DHRS7B: variants seen among roughly 807,000 people sequenced by gnomAD.
The protein encoded by DHRS7B is dehydrogenase/reductase 7B, also known as peroxisomal reductase activating PPAR-gamma.
Under a neutral mutation model 26.4 loss-of-function variants are expected in DHRS7B, and 24 were observed. The observed-to-expected ratio is 0.91, with a 90% confidence interval of 0.66 to 1.28. DHRS7B has a LOEUF of 1.28. DHRS7B is among the 50% of genes most tolerant of loss of function. The pLI is 0.00. For missense variants in DHRS7B, 368 were observed against 419.4 expected (o/e 0.88, Z 1.07); for synonymous variants, 142 against 166.4 (o/e 0.85, Z 1.13).
At chr17:21,152,345 G>A (rs1385242149) in intron 1 of DHRS7B, among the ~76,000 whole-genome samples, 1 of 151,912 alleles carries the variant, frequency 6.6e-6, no homozygotes, top group African/African-American at 2.4e-5. Context: ...TGAAGAGACG[G>A]GATTTCACCA....
chr17:21,126,976 T>C lies in DHRS7B; in HGVS notation c.5T>C (p.Val2Ala). Residue 2 changes from valine to alanine, a missense_variant, in exon 1 of 7, where the codon GTC (valine) becomes GCC (alanine). By Grantham distance (64) the Val-to-Ala change is moderately conservative. Coordinates refer to ENST00000395511, the MANE Select transcript of DHRS7B (RefSeq NM_015510.5). Reference protein sequence around the residue: MVSPATRKSLPK... With the variant: MASPATRKSLPK... ...GGAGGATGAAGTTGATTGACTATGG[T>C]CTCTCCGGCTACCAGGTAGGGGCTG... 6.5e-7 allele frequency: 1 copy of C among 1,535,642 alleles called. No individual in the cohort carries two copies. Among genetic ancestry groups the C allele is most frequent in the Non-Finnish European group, 8.8e-7 (1 of 1,140,422 alleles).
chr17:21,178,030 C>CT (rs1385046436), intron 2 of DHRS7B, among the ~76,000 whole-genome samples: 31 of 152,366 alleles, frequency 2.0e-4, no homozygotes, highest in African/African-American at 7.2e-4. Context: ...CTCGGCCCTC[C>CT]TTTCTCTTTG....
At chr17:21,163,571 A>G (rs1387107790) in intron 1 of DHRS7B, among the ~76,000 whole-genome samples, 1 of 152,188 alleles carries the variant, frequency 6.6e-6, no homozygotes, top group Non-Finnish European at 1.5e-5. Flanking sequence ...AGCAATATAA[A>G]TGACCAGATT....
At chr17:21,131,359 G>A (rs11656064) in intron 1 of DHRS7B, among the ~76,000 whole-genome samples, 114,899 of 152,186 alleles carry the variant, frequency 0.75, 43,836 homozygotes, top group African/African-American at 0.86. Flanking sequence ...CCTCCCCTTC[G>A]TAGACTATAT....
intron 1 of DHRS7B, among the ~76,000 whole-genome samples, chr17:21,144,142 C>T (rs1328932572): frequency 6.6e-6 from 1 of 152,200 alleles, no homozygotes; most frequent in Non-Finnish European, 1.5e-5. Context: ...GTAGAGGATG[C>T]TTGTAGCAGC....
intron 1 of DHRS7B, among the ~76,000 whole-genome samples, chr17:21,142,480 G>A (rs193084389): frequency 2.1e-3 from 313 of 152,062 alleles, no homozygotes; most frequent in African/African-American, 7.0e-3. Flanking sequence ...AATATGAGAG[G>A]GTCTCTCTCT....
At chr17:21,137,057 G>C in intron 1 of DHRS7B, among the ~76,000 whole-genome samples, 1 of 144,502 alleles carries the variant, frequency 6.9e-6, no homozygotes, top group Admixed American at 7.0e-5. Flanking sequence ...TGCAACCTCT[G>C]CCCCCAGGGT....
chr17:21,183,536 C>A, intron 3 of DHRS7B, 58 bp from the exon 4 acceptor site: 1 of 1,508,816 alleles, frequency 6.6e-7, no homozygotes, highest in South Asian at 1.1e-5. Flanking sequence ...CCGTGGGACA[C>A]ATAGCTCAGA....
At chr17:21,160,223 G>A (rs147916972) in intron 1 of DHRS7B, among the ~76,000 whole-genome samples, 244 of 152,246 alleles carry the variant, frequency 1.6e-3, no homozygotes, top group African/African-American at 5.4e-3. Context: ...CGGGCATGGT[G>A]GTGTGGGCCT....
intron 1 of DHRS7B, among the ~76,000 whole-genome samples, chr17:21,157,431 C>G (rs1305363790): frequency 3.9e-5 from 6 of 152,160 alleles, no homozygotes; most frequent in Non-Finnish European, 8.8e-5. Flanking sequence ...GCACAGTGCT[C>G]ATGCTTGTAA....
chr17:21,185,156 A>G (rs1450746935), intron 5 of DHRS7B, among the ~76,000 whole-genome samples: 1 of 152,222 alleles, frequency 6.6e-6, no homozygotes, highest in Non-Finnish European at 1.5e-5. Flanking sequence ...GGAAGGTTTC[A>G]ATAAAAAGGG....
At chr17:21,134,776 G>A (rs1030519445) in intron 1 of DHRS7B, among the ~76,000 whole-genome samples, 4 of 152,110 alleles carry the variant, frequency 2.6e-5, no homozygotes, top group African/African-American at 9.7e-5. Flanking sequence ...TTTGTTCATA[G>A]GAGTATGCTG....
chr17:21,177,158 C>T (rs1420660025), intron 2 of DHRS7B, among the ~76,000 whole-genome samples: 2 of 152,168 alleles, frequency 1.3e-5, no homozygotes, highest in East Asian at 1.9e-4. Context: ...TGATCACGGC[C>T]TTCCCTGGGA....
At chr17:21,164,478 G>A (rs1195006066) in intron 1 of DHRS7B, among the ~76,000 whole-genome samples, 3 of 152,180 alleles carry the variant, frequency 2.0e-5, no homozygotes, top group Non-Finnish European at 4.4e-5. Context: ...CTGTCTTGTT[G>A]CTGTTGTTAT....
intron 3 of DHRS7B, 107 bp downstream of exon 3, chr17:21,178,449 GCGTCACA>G (rs1974435807): frequency 1.1e-5 from 10 of 873,794 alleles, no homozygotes; most frequent in Non-Finnish European, 1.8e-5. Context: ...GGACATCCAT[GCGTCACA>G]CTGTCCCAGG....
chr17:21,127,163 CCAGG>C (rs1174886156), intron 1 of DHRS7B, 172 bp downstream of exon 1: 11 of 661,332 alleles, frequency 1.7e-5, no homozygotes, highest in Non-Finnish European at 2.6e-5. Context: ...AAGACTCAGC[CCAGG>C]CGCTGGGACC....
chr17:21,132,348 A>ATAT (rs1555535740), intron 1 of DHRS7B, among the ~76,000 whole-genome samples: 195 of 125,024 alleles, frequency 1.6e-3, no homozygotes, highest in African/African-American at 5.2e-3. Context: ...AAAAAAAAAA[A>ATAT]ATATATATAT....
At chr17:21,151,389 C>T (rs933905768) in intron 1 of DHRS7B, among the ~76,000 whole-genome samples, 2 of 151,854 alleles carry the variant, frequency 1.3e-5, no homozygotes, top group African/African-American at 2.4e-5. Flanking sequence ...TGGCAGGCAC[C>T]TGTAATCCCA....
chr17:21,130,333 G>T (rs752863678), intron 1 of DHRS7B, among the ~76,000 whole-genome samples: 14 of 152,172 alleles, frequency 9.2e-5, no homozygotes, highest in Non-Finnish European at 1.5e-4. Flanking sequence ...AGGTTGCAAT[G>T]AGTCGAGATT....
Sources: allele counts gnomAD v4.1 joint callset (sites outside exome capture counted in the v4.1 genomes callset), GRCh38; gene constraint gnomAD v4.1.1; transcripts MANE v1.5; gene names NCBI Gene and HGNC (gene_info 2026-07-23, HGNC 2026-07-21).